MYORG: variants seen among roughly 807,000 people sequenced by gnomAD.
MYORG encodes the protein myogenesis regulating glycosidase, also known as alpha-galactosidase MYORG.
MYORG carries 45 observed loss-of-function variants against 49.8 expected under a neutral mutation model. The ratio of observed to expected loss-of-function variants is 0.90; its 90% CI spans 0.71 to 1.16. The LOEUF (loss-of-function observed/expected upper bound fraction) is 1.16. Ranked by LOEUF, MYORG falls within the 50% of genes most tolerant of loss-of-function variation. The probability of loss-of-function intolerance (pLI) is 0.00; values close to 1 mark genes in which losing one functional copy is unlikely to be tolerated. For synonymous variants in MYORG, 552 were observed against 462.9 expected (o/e 1.19, Z -2.47); for missense variants, 1,110 against 1,026.5 (o/e 1.08, Z -1.11).
rs376952902 is a variant in MYORG at position 34,371,188 on chromosome 9, C to T, written c.1756G>A (p.Ala586Thr). 10 of 1,610,436 alleles carry T rather than the reference C, an allele frequency of 6.2e-6. No homozygotes were observed. The highest frequency in any genetic ancestry group is 3.3e-4 in the Middle Eastern group (2 of 6,056). ...RWLEVAAFMP[A>T]MQFSIPPWRY... is the part of the protein sequence containing the mutation. ...CAGGGCGGGATAGAGAACTGCATGG[C>T]CGGCATAAAGGCGGCCACTTCCAGC... The change falls in exon 2 of 2, where the codon GCC becomes ACC. Residue 586 changes from alanine (A) to threonine (T), a missense_variant. Coordinates refer to ENST00000297625, the MANE Select transcript of MYORG (RefSeq NM_020702.5).
chr9:34,370,770 G>T lies in MYORG; in HGVS notation c.*29C>A. 6.5e-7 allele frequency: 1 copy of T among 1,539,734 alleles called. No individual in the cohort carries two copies. Among genetic ancestry groups the T allele is most frequent in the South Asian group, 1.3e-5 (1 of 79,586 alleles). ...TTCAAGGTCTGCATGAAGACTGGGG[G>T]CTTTGCGGTTACCGGGCCCTGGGCT... is the stretch of plus-strand genomic sequence containing the variant. On this transcript the variant is annotated 3_prime_UTR_variant, in exon 2 of 2. Coordinates refer to ENST00000297625, the MANE Select transcript of MYORG (RefSeq NM_020702.5).
chr9:34,372,972 G>T lies in MYORG; in HGVS notation c.-29C>A, dbSNP rs763244109. The T allele has an allele frequency of 6.2e-7, 1 of 1,602,208 alleles. No homozygotes were observed. Among genetic ancestry groups the T allele is most frequent in the South Asian group, 1.1e-5 (1 of 89,954 alleles). ...TGGGCTGCTAAGAAAGGAGCGGGCC[G>T]TGGGGCCATCTGACTGAGTTCATCT... On this transcript the variant is annotated 5_prime_UTR_variant, in exon 2 of 2. Coordinates refer to ENST00000297625, the MANE Select transcript of MYORG (RefSeq NM_020702.5).
intron 1 of MYORG, among the ~76,000 whole-genome samples, chr9:34,375,391 T>C (rs1820703085): frequency 6.6e-6 from 1 of 152,206 alleles, no homozygotes. Flanking sequence ...CAGACTCTTA[T>C]TCCCTTTCTC....
At position 34,372,539 on chromosome 9, in the gene MYORG, C is replaced by A; in HGVS notation, c.405G>T (p.Ser135=). Residue 135 remains serine, a synonymous_variant, in exon 2 of 2, where the codon TCG becomes TCT. Transcript: ENST00000297625. ...GCAGCGGCAGCCCGTCGGCCGTGAG[C>A]GAGCAGCCCAGCAGGGCGCCATCGC... The part of the protein sequence containing the change: ...CSRDGALLGC[S]LTADGLPLHF... The A allele has an allele frequency of 1.9e-6, 3 of 1,601,134 alleles. No homozygotes were observed. The highest frequency in any genetic ancestry group is 2.6e-6 in the Non-Finnish European group (3 of 1,174,576).
chr9:34,372,600 A>C lies in MYORG; in HGVS notation c.344T>G (p.Phe115Cys), dbSNP rs1490177031. ...QKGEQVFRLAFRSGALDLDSC... is the reference protein window; with the variant it reads ...QKGEQVFRLACRSGALDLDSC... ...GTCAAGGTCCAGCGCGCCGGAGCGGAAGGCCAGGCGGAAGACCTGCTCTCC... is the reference window on the plus strand; with the variant it reads ...GTCAAGGTCCAGCGCGCCGGAGCGGCAGGCCAGGCGGAAGACCTGCTCTCC... Residue 115 changes from phenylalanine (F) to cysteine (C), a missense_variant, in exon 2 of 2, where the codon TTC (phenylalanine) becomes TGC (cysteine). Transcript: ENST00000297625. 13 of 1,604,306 alleles carry C rather than the reference A, an allele frequency of 8.1e-6. No homozygotes were observed. Among genetic ancestry groups the C allele is most frequent in the African/African-American group, 1.3e-5 (1 of 74,792 alleles).
chr9:34,371,813 G>A lies in MYORG; in HGVS notation c.1131C>T (p.Phe377=). 6.2e-7 allele frequency: 1 copy of A among 1,614,042 alleles called. No homozygotes were observed. The highest frequency in any genetic ancestry group is 2.2e-5 in the East Asian group (1 of 44,882). ...GGAAGCCGGCGTCGCGCAGGCGGCG[G>A]AACATGTCGCTGGCGTTGGGGAATT... The part of the protein sequence containing the change: ...EVKFPNASDM[F]RRLRDAGFRV... Residue 377 remains phenylalanine, a synonymous_variant, in exon 2 of 2, where the codon TTC becomes TTT. Coordinates refer to ENST00000297625, the MANE Select transcript of MYORG (RefSeq NM_020702.5).
rs1402739518 is a variant in MYORG at position 34,370,124 on chromosome 9, A to C, written c.*675T>G. ...GCACATTTGGCCCAGGGCTGAGCCC[A>C]TGTATGTACACAAATGGGTTAGTGC... is the stretch of plus-strand genomic sequence containing the variant. On this transcript the variant is annotated 3_prime_UTR_variant, in exon 2 of 2. Coordinates refer to ENST00000297625, the MANE Select transcript of MYORG (RefSeq NM_020702.5). 2 of 152,764 alleles carry C rather than the reference A, an allele frequency of 1.3e-5. No homozygotes were observed. The highest frequency in any genetic ancestry group is 1.3e-4 in the Admixed American group (2 of 15,290). The allele number at this position is 152,764 out of a possible 1,614,324, so 9.5% of individuals were successfully genotyped here.
chr9:34,376,615 T>C lies in MYORG; in HGVS notation c.-64+178A>G, dbSNP rs969388712. Among the ~76,000 whole-genome samples, 2 of 152,040 alleles carry C rather than the reference T, an allele frequency of 1.3e-5. No individual in the cohort carries two copies. Among genetic ancestry groups the C allele is most frequent in the Admixed American group, 6.5e-5 (1 of 15,280 alleles). On this transcript the variant is annotated intron_variant, in intron 1 of 1. Coordinates refer to ENST00000297625, the MANE Select transcript of MYORG (RefSeq NM_020702.5). The surrounding 1 kb of genome is among the most constrained non-coding windows in gnomAD (Gnocchi z 4.4). ...GCCCTCCCTACCCCGCCCTGAAGGC[T>C]ATACTGTCCGAAGGGGCCGACCGAG...
chr9:34,375,524 A>G (rs924006560), intron 1 of MYORG, among the ~76,000 whole-genome samples: 1 of 152,224 alleles, frequency 6.6e-6, no homozygotes. Context: ...AACCCAAAGA[A>G]GGCTTTAGGT....
In MYORG at chr9:34,372,662, G is replaced by A; in HGVS notation, c.282C>T (p.Asp94=). ...GGATGGAGAAGCCGCCAGCTTTCAG[G>A]TCCAGCAGCTCCGCGCGAAGTCGCT... ...KAERLRAELL[D]LKAGGFSIRN... The change falls in exon 2 of 2, where the codon GAC becomes GAT. Residue 94 remains aspartate, a synonymous_variant. Coordinates refer to ENST00000297625, the MANE Select transcript of MYORG (RefSeq NM_020702.5). The A allele has an allele frequency of 5.0e-6, 8 of 1,608,368 alleles. No homozygotes were observed. The highest frequency in any genetic ancestry group is 6.8e-6 in the Non-Finnish European group (8 of 1,177,556).
At chr9:34,373,114 A>C (rs1248915080) in intron 1 of MYORG, 108 bp from the exon 2 acceptor site, 2 of 782,312 alleles carry the variant, frequency 2.6e-6, no homozygotes, top group Admixed American at 2.8e-5. Context: ...GAATACTGGA[A>C]CCTGAGGGCT....
At position 34,371,590 on chromosome 9, in the gene MYORG, G is replaced by T; in HGVS notation, c.1354C>A (p.Arg452Ser). Reference sequence around the variant, plus strand: ...AAGGAAGCCACGGAGTAGCGAGAGCGCAGCCGCCGCAGGTGTCCCTGGAAC... The same window carrying T: ...AAGGAAGCCACGGAGTAGCGAGAGCTCAGCCGCCGCAGGTGTCCCTGGAAC... ...DWFQGHLRRL[R>S]SRYSVASFKF... Residue 452 changes from arginine to serine, a missense_variant, in exon 2 of 2, where the codon CGC becomes AGC. Transcript: ENST00000297625. The T allele has an allele frequency of 1.2e-6, 2 of 1,603,224 alleles. No individual in the cohort carries two copies. The highest frequency in any genetic ancestry group is 1.7e-6 in the Non-Finnish European group (2 of 1,178,164).
chr9:34,371,273 G>A lies in MYORG; in HGVS notation c.1671C>T (p.Asn557=), dbSNP rs1820590186. 1.2e-6 allele frequency: 2 copies of A among 1,609,358 alleles called. No homozygotes were observed. The highest frequency in any genetic ancestry group is 1.7e-6 in the Non-Finnish European group (2 of 1,178,292). ...PFILPDMVGG[N]AVPQRTAGGD... ...CGCCGGCTGTCCGCTGGGGCACGGC[G>A]TTGCCGCCCACCATATCGGGTAGGA... The change falls in exon 2 of 2, where the codon AAC becomes AAT. Residue 557 remains asparagine, a synonymous_variant. Transcript: ENST00000297625.
intron 1 of MYORG, among the ~76,000 whole-genome samples, chr9:34,374,114 T>G (rs1820684170): frequency 6.6e-6 from 1 of 152,208 alleles, no homozygotes; most frequent in Admixed American, 6.5e-5. Context: ...GTGGGCCAGC[T>G]ACTTCCTCGC....
Position 34,372,254 on chromosome 9 carries a change from T to C in MYORG, c.690A>G (p.Leu230=), listed in dbSNP as rs202011793. The C allele has an allele frequency of 2.2e-3, 3,543 of 1,610,884 alleles. 14 individuals carry two copies. The highest frequency in any genetic ancestry group is 7.1e-3 in the South Asian group (646 of 90,748). Residue 230 remains leucine (L), a synonymous_variant, in exon 2 of 2, where the codon CTA becomes CTG. Transcript: ENST00000297625. ...AFGGILERYW[L]SSRAAAIKVN... The stretch of plus-strand genomic sequence containing the variant: ...CTTTGATGGCGGCCGCGCGCGAAGA[T>C]AGCCAGTAGCGCTCGAGGATGCCCC...
Position 34,370,565 on chromosome 9 carries a change from G to A in MYORG, c.*234C>T. The A allele has an allele frequency of 1.6e-6, 1 of 634,836 alleles. No homozygotes were observed. The highest frequency in any genetic ancestry group is 3.4e-5 in the Admixed American group (1 of 29,122). The allele number at this position is 634,836 out of a possible 1,614,324, so 39.3% of individuals were successfully genotyped here. A position where few individuals can be genotyped will look rare whatever the true frequency, so the allele number is the denominator to read the frequency against. On this transcript the variant is annotated 3_prime_UTR_variant, in exon 2 of 2. Transcript: ENST00000297625. The stretch of plus-strand genomic sequence containing the variant: ...AAGAGGTTTCTGCAGATTGGTGTGA[G>A]TGTGGGGGTGGAAAGGGCACAGTAA...
In MYORG at chr9:34,372,299, G is replaced by A. The variant is rs1248929479; in HGVS notation, c.645C>T (p.Tyr215=). 2 of 1,610,436 alleles carry A rather than the reference G, an allele frequency of 1.2e-6. No individual in the cohort carries two copies. Among genetic ancestry groups the A allele is most frequent in the Admixed American group, 1.7e-5 (1 of 59,690 alleles). The change falls in exon 2 of 2, where the codon TAC becomes TAT. Residue 215 remains tyrosine, a synonymous_variant. Transcript: ENST00000297625. ...EPQPFVTSDV[Y]SSDAAFGGIL... ...TGCCCCCAAACGCGGCGTCGGAGGA[G>A]TAGACATCGCTGGTGACGAACGGCT...
chr9:34,370,906 C>T lies in MYORG; in HGVS notation c.2038G>A (p.Gly680Ser). ...TCACCCTTGTAGCTGCGCCACTTGC[C>T]GGCGGGCAAATAGACGTCGCGCTCC... ...KQERDVYLPA[G>S]KWRSYKGELF... Residue 680 changes from glycine (G) to serine (S), a missense_variant, in exon 2 of 2, where the codon GGC becomes AGC. Gly to Ser is a moderately conservative substitution (Grantham distance 56). Transcript: ENST00000297625. 9 of 1,613,324 alleles carry T rather than the reference C, an allele frequency of 5.6e-6. No individual in the cohort carries two copies. The highest frequency in any genetic ancestry group is 1.1e-5 in the South Asian group (1 of 91,068).
At position 34,370,496 on chromosome 9, in the gene MYORG, G is replaced by A; in HGVS notation, c.*303C>T. On this transcript the variant is annotated 3_prime_UTR_variant, in exon 2 of 2. Coordinates refer to ENST00000297625, the MANE Select transcript of MYORG (RefSeq NM_020702.5). ...TGTATAACCATGTATAACAGGAAGA[G>A]AGCTGACCTTTTTCCTCTAAGCTCT... 1 of 338,420 alleles carries A rather than the reference G, an allele frequency of 3.0e-6. No homozygotes were observed. Among genetic ancestry groups the A allele is most frequent in the African/African-American group, 2.1e-5 (1 of 48,506 alleles). The allele number at this position is 338,420 out of a possible 1,614,324, so 21.0% of individuals were successfully genotyped here.
Sources: gnomAD v4.1 joint callset for allele counts (sites outside exome capture counted in the v4.1 genomes callset) on GRCh38, gnomAD v4.1.1 for gene constraint, Gnocchi (gnomAD v3.1) non-coding constraint, MANE v1.5 for transcripts, NCBI Gene and HGNC (gene_info 2026-07-23, HGNC 2026-07-21) for gene names.